ZNF560: variants seen among roughly 807,000 people sequenced by gnomAD.
ZNF560 encodes zinc finger protein 560.
A neutral mutation model predicts 81.8 loss-of-function variants in ZNF560; 54 were observed. The ratio of observed to expected loss-of-function variants is 0.66; its 90% CI spans 0.53 to 0.83. The LOEUF is 0.83. Among genes scored for constraint, ZNF560 ranks in the 40% least tolerant of loss-of-function variants. The pLI, the probability that ZNF560 is intolerant of heterozygous loss-of-function variation, is 0.00. For missense variants in ZNF560, 940 were observed against 932.4 expected, an observed-to-expected ratio of 1.01 and a Z score of -0.11; for synonymous variants, 321 against 317.9, an observed-to-expected ratio of 1.01 and a Z score of -0.10.
downstream of ZNF560, among the ~76,000 whole-genome samples, chr19:9,465,846 C>T (rs1287731265): frequency 1.3e-5 from 2 of 152,042 alleles, no homozygotes; most frequent in East Asian, 1.9e-4. Flanking sequence ...TACAAAAAAT[C>T]AGCCAGGTGC....
intron 2 of ZNF560, among the ~76,000 whole-genome samples, chr19:9,477,897 G>A (rs2073227492): frequency 6.6e-6 from 1 of 152,066 alleles, no homozygotes; most frequent in Non-Finnish European, 1.5e-5. Flanking sequence ...AAAATTACAA[G>A]ATTCAAGGGA....
chr19:9,497,709 T>G (rs10422315), intron 2 of ZNF560, among the ~76,000 whole-genome samples: 6,943 of 152,116 alleles, frequency 0.046, 538 homozygotes, highest in African/African-American at 0.16. Context: ...AACATACCCA[T>G]AGGTTTAAGT....
chr19:9,505,393 C>G, the ZNF560 span, among the ~76,000 whole-genome samples: 1 of 152,218 alleles, frequency 6.6e-6, no homozygotes, highest in African/African-American at 2.4e-5. Flanking sequence ...TCACTAACAG[C>G]CTATCTGTTG....
At chr19:9,457,677 G>T in the ZNF560 span, among the ~76,000 whole-genome samples, 5 of 152,100 alleles carry the variant, frequency 3.3e-5, no homozygotes, top group Non-Finnish European at 7.4e-5. Flanking sequence ...CTACTTGGGG[G>T]CCTTAGTAAA....
intron 7 of ZNF560, 151 bp from the exon 8 acceptor site, chr19:9,469,861 A>G: frequency 1.6e-6 from 1 of 613,962 alleles, no homozygotes; most frequent in Non-Finnish European, 2.9e-6. Context: ...GACACTGGTT[A>G]TCTCTGACCT....
intron 2 of ZNF560, among the ~76,000 whole-genome samples, chr19:9,483,678 G>C (rs1044428021): frequency 2.0e-5 from 3 of 150,402 alleles, no homozygotes; most frequent in African/African-American, 7.3e-5. Flanking sequence ...GGGAGGTGGG[G>C]GGCGCCTCCG....
rs1231250948 is a variant in ZNF560, at chr19:9,472,526, G to A, written c.238+653C>T. On this transcript the variant is annotated intron_variant, in intron 5 of 9. Transcript: ENST00000301480. The stretch of plus-strand genomic sequence containing the variant: ...AAAATCTATCATGAACTGTGCATGC[G>A]AAGGATTTAGTTTGCGCGCTCCTTT... 2.6e-5 allele frequency among the ~76,000 whole-genome samples: 4 copies of A among 152,248 alleles called. No individual in the cohort carries two copies. In the South Asian group the frequency reaches 6.2e-4, roughly 24 times the overall value.
chr19:9,502,762 C>G (rs1261138532), upstream of ZNF560, among the ~76,000 whole-genome samples: 4 of 152,034 alleles, frequency 2.6e-5, no homozygotes, highest in Non-Finnish European at 4.4e-5. Context: ...TTCATAGTAT[C>G]CTCTTATAAT....
At chr19:9,448,823 C>G in the ZNF560 span, among the ~76,000 whole-genome samples, 1 of 151,844 alleles carries the variant, frequency 6.6e-6, no homozygotes, top group Non-Finnish European at 1.5e-5. Context: ...CCCATGGACT[C>G]AAAAAGTGGG....
At chr19:9,505,442 A>G in the ZNF560 span, among the ~76,000 whole-genome samples, 1 of 152,196 alleles carries the variant, frequency 6.6e-6, no homozygotes, top group Non-Finnish European at 1.5e-5. Context: ...ACAGAATACG[A>G]TTTGATCATG....
the ZNF560 span, among the ~76,000 whole-genome samples, chr19:9,447,358 A>G: frequency 6.6e-6 from 1 of 151,902 alleles, no homozygotes; most frequent in African/African-American, 2.4e-5. Flanking sequence ...CCAAAGGGTC[A>G]CTCTCACTCT....
At chr19:9,462,484 C>G (rs1568446620), downstream of ZNF560, among the ~76,000 whole-genome samples, 1 of 152,334 alleles carries the variant, frequency 6.6e-6, no homozygotes, top group South Asian at 2.1e-4. Context: ...GTTCGAGGCT[C>G]TCAGCTCTGA....
chr19:9,483,772 C>G (rs1233168862), intron 2 of ZNF560, among the ~76,000 whole-genome samples: 1 of 151,808 alleles, frequency 6.6e-6, no homozygotes, highest in African/African-American at 2.4e-5. Flanking sequence ...TCTGCCCGGC[C>G]GCCACCCCAT....
At chr19:9,459,496 A>G in the ZNF560 span, among the ~76,000 whole-genome samples, 6 of 152,144 alleles carry the variant, frequency 3.9e-5, no homozygotes, top group Non-Finnish European at 5.9e-5. Context: ...TGTTGGGGTG[A>G]TCAGACTGAA....
chr19:9,484,857 A>C (rs1056047427), intron 2 of ZNF560, among the ~76,000 whole-genome samples: 3 of 150,978 alleles, frequency 2.0e-5, no homozygotes, highest in Admixed American at 2.0e-4. Flanking sequence ...AAAAAAGAAA[A>C]GAAAAAATTA....
chr19:9,505,165 ATCC>A, the ZNF560 span, among the ~76,000 whole-genome samples: 1 of 152,236 alleles, frequency 6.6e-6, no homozygotes, highest in Non-Finnish European at 1.5e-5. Flanking sequence ...GGCTCAAGCA[ATCC>A]TCCTGCCTCA....
downstream of ZNF560, among the ~76,000 whole-genome samples, chr19:9,463,322 G>T (rs1479817615): frequency 6.6e-6 from 1 of 152,160 alleles, no homozygotes; most frequent in Admixed American, 6.6e-5. Flanking sequence ...TGAGACTAGG[G>T]TATCATTTCT....
At position 9,477,039 on chromosome 19, in the gene ZNF560, T is replaced by C. The variant is rs999507255; in HGVS notation, c.-56-1670A>G. Among the ~76,000 whole-genome samples the C allele has an allele frequency of 2.0e-5, 3 of 152,134 alleles. No individual in the cohort carries two copies. The South Asian group carries it at 6.2e-4, about 32-fold the overall frequency. The stretch of plus-strand genomic sequence containing the variant: ...CAATCATTAATCAACAAGCGTTACT[T>C]ATCAGTCATCAAATACCATATATTA... On this transcript the variant is annotated intron_variant, in intron 2 of 9. Transcript: ENST00000301480.
the ZNF560 span, among the ~76,000 whole-genome samples, chr19:9,455,049 G>T: frequency 2.0e-5 from 3 of 152,186 alleles, no homozygotes; most frequent in Admixed American, 2.0e-4. Flanking sequence ...AACTGTTCGA[G>T]CAGAGCCCCG....
Sources: allele counts gnomAD v4.1 joint callset (sites outside exome capture counted in the v4.1 genomes callset), GRCh38; gene constraint gnomAD v4.1.1; transcripts MANE v1.5; gene names NCBI Gene and HGNC (gene_info 2026-07-23, HGNC 2026-07-21).